CPEB3: variants seen among roughly 807,000 people sequenced by gnomAD.
CPEB3 encodes the protein cytoplasmic polyadenylation element-binding protein 3.
A neutral mutation model predicts 67.2 loss-of-function variants in CPEB3; 20 were observed. The observed-to-expected ratio is 0.30, with a 90% CI of 0.21 to 0.43. The LOEUF is 0.43. Ranked by LOEUF, CPEB3 falls within the 20% of genes least tolerant of loss-of-function variation. The probability of loss-of-function intolerance (pLI) is 1.00; values close to 1 mark genes in which losing one functional copy is unlikely to be tolerated. For synonymous variants in CPEB3, 376 were observed against 393.1 expected (o/e 0.96, Z 0.51); for missense variants, 746 against 968.6 (o/e 0.77, Z 3.05).
chr10:92,155,746 C>G (rs774893170), intron 4 of CPEB3, among the ~76,000 whole-genome samples: 11 of 152,026 alleles, frequency 7.2e-5, no homozygotes, highest in Non-Finnish European at 1.6e-4. Context: ...GAGCAGGGAC[C>G]AAGTCATTCT....
chr10:92,239,896 G>A lies in CPEB3; in HGVS notation c.455C>T (p.Ser152Phe). Residue 152 changes from serine to phenylalanine, a missense_variant, in exon 2 of 10, where the codon TCC (serine) becomes TTC (phenylalanine). Ser to Phe is a radical substitution (Grantham distance 155). Transcript: ENST00000265997. The surrounding 1 kb of genome is among the most constrained non-coding windows in gnomAD (Gnocchi z 6.0). Reference sequence around the variant, plus strand: ...GGTCTGCGCCAGGCCGATCTGCGGGGAGAAAGTGCCTCCGAAGACTGGGTT... The same window carrying A: ...GGTCTGCGCCAGGCCGATCTGCGGGAAGAAAGTGCCTCCGAAGACTGGGTT... ...HVNPVFGGTF[S>F]PQIGLAQTQH... is the part of the protein sequence containing the mutation. The A allele has an allele frequency of 1.2e-6, 2 of 1,612,812 alleles. No homozygotes were observed. The highest frequency in any genetic ancestry group is 1.7e-6 in the Non-Finnish European group (2 of 1,179,368).
At chr10:92,077,439 T>G (rs1369712027) in intron 9 of CPEB3, among the ~76,000 whole-genome samples, 1 of 152,162 alleles carries the variant, frequency 6.6e-6, no homozygotes, top group Non-Finnish European at 1.5e-5. Context: ...AAGATGGAAG[T>G]TGGCTTGCGT....
chr10:92,065,239 G>A (rs763114992), intron 9 of CPEB3, among the ~76,000 whole-genome samples: 1 of 152,152 alleles, frequency 6.6e-6, no homozygotes, highest in Non-Finnish European at 1.5e-5. Flanking sequence ...TTACTTTTGA[G>A]ACAGGGTCAC....
chr10:92,119,151 C>A, intron 6 of CPEB3: 1 of 1,582,166 alleles, frequency 6.3e-7, no homozygotes, highest in Non-Finnish European at 8.7e-7. Context: ...TCTGTAGGGC[C>A]GGCAGCCATA....
At chr10:92,215,739 CTTT>C (rs373522649) in intron 2 of CPEB3, among the ~76,000 whole-genome samples, 22 of 99,916 alleles carry the variant, frequency 2.2e-4, no homozygotes, top group African/African-American at 5.9e-4. Flanking sequence ...TGGCGCCTGG[CTTT>C]TTTTTTTTTT....
At chr10:92,129,226 A>T (rs1400640449) in intron 6 of CPEB3, among the ~76,000 whole-genome samples, 1 of 152,192 alleles carries the variant, frequency 6.6e-6, no homozygotes, top group African/African-American at 2.4e-5. Flanking sequence ...TATCCTTAGC[A>T]AAGTAGTGAA....
chr10:92,275,356 T>G (rs2135022816), intron 1 of CPEB3, among the ~76,000 whole-genome samples: 1 of 152,286 alleles, frequency 6.6e-6, no homozygotes, highest in East Asian at 1.9e-4. Context: ...TTGATTTCTG[T>G]GAAACAAAAA....
chr10:92,245,644 T>G (rs552815749), intron 1 of CPEB3, among the ~76,000 whole-genome samples: 2 of 152,252 alleles, frequency 1.3e-5, no homozygotes, highest in Non-Finnish European at 2.9e-5. Flanking sequence ...GTGGTCACTA[T>G]TTGGATTCCA....
intron 7 of CPEB3, among the ~76,000 whole-genome samples, chr10:92,099,852 C>A (rs1449136446): frequency 7.0e-6 from 1 of 143,052 alleles, no homozygotes; most frequent in African/African-American, 2.6e-5. Context: ...CAGTGAAACT[C>A]CGTCTCAAAA....
chr10:92,222,472 C>A (rs1003681969), intron 2 of CPEB3, among the ~76,000 whole-genome samples: 1 of 152,134 alleles, frequency 6.6e-6, no homozygotes, highest in Non-Finnish European at 1.5e-5. Flanking sequence ...AAGCTAGATA[C>A]AACAGCAATC....
chr10:92,224,896 A>T (rs1263122646), intron 2 of CPEB3, among the ~76,000 whole-genome samples: 1 of 147,674 alleles, frequency 6.8e-6, no homozygotes, highest in Non-Finnish European at 1.5e-5. Context: ...TAAATTTAAA[A>T]ATATATATAT....
At chr10:92,223,551 G>A (rs543059294) in intron 2 of CPEB3, among the ~76,000 whole-genome samples, 94 of 147,840 alleles carry the variant, frequency 6.4e-4, no homozygotes, top group Middle Eastern at 3.5e-3. Flanking sequence ...CCTTCCAGGT[G>A]AGCTCCTAAT....
At chr10:92,200,676 G>A (rs1849482011) in intron 2 of CPEB3, among the ~76,000 whole-genome samples, 1 of 150,014 alleles carries the variant, frequency 6.7e-6, no homozygotes, top group African/African-American at 2.5e-5. Flanking sequence ...TACTTGCTGT[G>A]TAACAGGAAA....
At chr10:92,082,044 A>T (rs1175211246) in intron 8 of CPEB3, among the ~76,000 whole-genome samples, 6 of 152,240 alleles carry the variant, frequency 3.9e-5, no homozygotes, top group Non-Finnish European at 7.3e-5. Flanking sequence ...ATTTTAGAGT[A>T]TATTCTAACC....
chr10:92,233,924 T>C (rs1354993490), intron 2 of CPEB3, among the ~76,000 whole-genome samples: 1 of 151,902 alleles, frequency 6.6e-6, no homozygotes. Context: ...CTGGCCAACA[T>C]AGTGAAACCC....
intron 4 of CPEB3, among the ~76,000 whole-genome samples, chr10:92,178,349 G>A (rs2134068842): frequency 6.6e-6 from 1 of 152,052 alleles, no homozygotes; most frequent in South Asian, 2.1e-4. Flanking sequence ...AGTAGAGACG[G>A]GGTTTCTCCA....
intron 1 of CPEB3, among the ~76,000 whole-genome samples, chr10:92,250,073 G>A (rs1852230319): frequency 6.6e-6 from 1 of 150,812 alleles, no homozygotes; most frequent in Admixed American, 6.6e-5. Context: ...TTTATTTTAA[G>A]CTGTTATTAC....
intron 1 of CPEB3, among the ~76,000 whole-genome samples, chr10:92,269,975 C>T (rs1013383265): frequency 6.7e-6 from 1 of 149,636 alleles, no homozygotes; most frequent in African/African-American, 2.5e-5. Flanking sequence ...TTCTGGTCCC[C>T]ACCTTCATCT....
At chr10:92,061,559 GT>G (rs1460115954) in intron 9 of CPEB3, among the ~76,000 whole-genome samples, 2 of 152,094 alleles carry the variant, frequency 1.3e-5, no homozygotes, top group Admixed American at 1.3e-4. Flanking sequence ...AGATCACTAT[GT>G]TAAGTGAAAT....
Sources: allele counts gnomAD v4.1 joint callset (sites outside exome capture counted in the v4.1 genomes callset), GRCh38; gene constraint gnomAD v4.1.1; non-coding constraint Gnocchi (gnomAD v3.1); transcripts MANE v1.5; gene names NCBI Gene and HGNC (gene_info 2026-07-23, HGNC 2026-07-21).